The following ABCA13 variants were observed in gnomAD, a reference collection of about 807,000 sequenced individuals.
The protein encoded by ABCA13 is ATP-binding cassette sub-family A member 13.
ABCA13 carries 476 observed loss-of-function variants against 478.7 expected under a neutral mutation model. The observed-to-expected ratio is 0.99, with a 90% confidence interval of 0.92 to 1.07. The LOEUF is 1.07. Among genes scored for constraint, ABCA13 ranks in the 50% least tolerant of loss-of-function variants. The pLI is 0.00. For synonymous variants in ABCA13, 2,252 were observed against 2,158.9 expected, an observed-to-expected ratio of 1.04 and a Z score of -1.20; for missense variants, 6,060 against 5,910.6, an observed-to-expected ratio of 1.03 and a Z score of -0.83.
intron 54 of ABCA13, among the ~76,000 whole-genome samples, chr7:48,525,647 C>T (rs896357940): frequency 5.6e-5 from 8 of 142,048 alleles, no homozygotes; most frequent in Non-Finnish European, 9.1e-5. Context: ...GGAAGCCCAG[C>T]AAGGCCTCTC....
intron 58 of ABCA13, among the ~76,000 whole-genome samples, chr7:48,608,736 G>T (rs1174737318): frequency 6.6e-6 from 1 of 152,214 alleles, no homozygotes; most frequent in Non-Finnish European, 1.5e-5. Flanking sequence ...GCAGCCTATG[G>T]CTGGAATGCC....
rs373755985 is a variant in ABCA13 at position 48,410,975 on chromosome 7, T to TTCTC, written c.12228+300_12228+303dup. On this transcript the variant is annotated intron_variant, in intron 40 of 61. Coordinates refer to ENST00000435803, the MANE Select transcript of ABCA13 (RefSeq NM_152701.5). ...TGACCTATGTATTCTAGAAATTCTT[T>TTCTC]TCTCTTTCTTTCTTTCTTTCTTTCT... Among the ~76,000 whole-genome samples the TTCTC allele has an allele frequency of 1.7e-3, 242 of 144,842 alleles. 1 individual carries two copies. Among genetic ancestry groups the TTCTC allele is most frequent in the African/African-American group, 5.9e-3 (229 of 39,126 alleles).
intron 54 of ABCA13, among the ~76,000 whole-genome samples, chr7:48,527,824 A>C (rs1439843094): frequency 6.6e-6 from 1 of 152,166 alleles, no homozygotes; most frequent in Non-Finnish European, 1.5e-5. Context: ...AGAAGATGGA[A>C]TCTTTTAAGA....
At chr7:48,528,126 T>C (rs1412025251) in intron 54 of ABCA13, 110 bp from the exon 55 acceptor site, 1 of 874,072 alleles carries the variant, frequency 1.1e-6, no homozygotes, top group Non-Finnish European at 1.8e-6. Context: ...CAACTCAAAG[T>C]TGGCTAAAAG....
At chr7:48,175,612 A>C (rs1212734175) in intron 1 of ABCA13, among the ~76,000 whole-genome samples, 2 of 151,954 alleles carry the variant, frequency 1.3e-5, no homozygotes, top group African/African-American at 4.8e-5. Context: ...GTAGAGATGG[A>C]GTTTCACCAT....
At chr7:48,197,999 C>T (rs1798168941) in intron 2 of ABCA13, among the ~76,000 whole-genome samples, 2 of 152,118 alleles carry the variant, frequency 1.3e-5, no homozygotes, top group African/African-American at 4.8e-5. Context: ...AGCTATATGG[C>T]TGCTCAGAGC....
At chr7:48,619,790 TG>T (rs778419163) in intron 59 of ABCA13, among the ~76,000 whole-genome samples, 3 of 152,098 alleles carry the variant, frequency 2.0e-5, no homozygotes, top group Non-Finnish European at 4.4e-5. Flanking sequence ...CACTTATGAA[TG>T]GAAGTGTGGT....
intron 58 of ABCA13, among the ~76,000 whole-genome samples, chr7:48,603,287 A>C (rs1342848331): frequency 6.6e-5 from 10 of 152,180 alleles, no homozygotes; most frequent in Non-Finnish European, 2.9e-5. Flanking sequence ...GTGGTGAGAG[A>C]GGGCATCCTC....
At chr7:48,575,409 G>A (rs1788069671) in intron 55 of ABCA13, among the ~76,000 whole-genome samples, 1 of 152,166 alleles carries the variant, frequency 6.6e-6, no homozygotes, top group Non-Finnish European at 1.5e-5. Context: ...GAATTTGAAA[G>A]ATAGGAGAAT....
At chr7:48,599,954 A>G (rs1028866038) in intron 58 of ABCA13, among the ~76,000 whole-genome samples, 70 of 152,274 alleles carry the variant, frequency 4.6e-4, no homozygotes, top group Non-Finnish European at 5.0e-4. Flanking sequence ...AGTGTTGTTT[A>G]AGTATTCTGT....
At chr7:48,631,329 A>G (rs182263985) in intron 59 of ABCA13, among the ~76,000 whole-genome samples, 1 of 152,170 alleles carries the variant, frequency 6.6e-6, no homozygotes, top group East Asian at 1.9e-4. Context: ...TAATTTTTAT[A>G]CATGGTGAAA....
intron 25 of ABCA13, among the ~76,000 whole-genome samples, chr7:48,313,983 A>ATG (rs1554436363): frequency 0.017 from 1,348 of 78,252 alleles, 6 homozygotes; most frequent in East Asian, 0.027. Flanking sequence ...GTGTGTGTGT[A>ATG]TGTGTGTGTG....
chr7:48,283,903 C>T (rs1198828823), intron 19 of ABCA13, among the ~76,000 whole-genome samples: 1 of 152,160 alleles, frequency 6.6e-6, no homozygotes, highest in African/African-American at 2.4e-5. Flanking sequence ...CACAGGGTAG[C>T]TTCTGAATCT....
intron 48 of ABCA13, among the ~76,000 whole-genome samples, chr7:48,491,515 G>A (rs908417341): frequency 7.9e-5 from 12 of 152,184 alleles, no homozygotes; most frequent in African/African-American, 2.4e-5. Flanking sequence ...GACTTCCAGA[G>A]GGCTAGTTCA....
chr7:48,570,091 C>T (rs1266676189), intron 55 of ABCA13, among the ~76,000 whole-genome samples: 1 of 151,934 alleles, frequency 6.6e-6, no homozygotes, highest in Non-Finnish European at 1.5e-5. Flanking sequence ...GTCTATTTCT[C>T]CCTTTAATGC....
intron 21 of ABCA13, among the ~76,000 whole-genome samples, chr7:48,296,820 T>G (rs1174058040): frequency 6.6e-6 from 1 of 152,188 alleles, no homozygotes; most frequent in African/African-American, 2.4e-5. Context: ...TCTGAAAGTG[T>G]AAAGCACCAG....
intron 56 of ABCA13, among the ~76,000 whole-genome samples, chr7:48,583,570 T>C (rs1181510324): frequency 6.6e-6 from 1 of 152,196 alleles, no homozygotes; most frequent in Non-Finnish European, 1.5e-5. Context: ...TCCCAGTGCA[T>C]ATCCCATTGA....
chr7:48,643,351 T>A lies in ABCA13; in HGVS notation c.14901T>A (p.Val4967=), dbSNP rs535435337. Residue 4967 remains valine, a synonymous_variant, in exon 60 of 62, where the codon GTT becomes GTA. Transcript: ENST00000435803. ...AGGAAGCAAATCAACATTGCACTGT[T>A]TCTGACCACTTGAAGCTTTATTTTC... is the stretch of plus-strand genomic sequence containing the variant. The part of the protein sequence containing the change: ...LCKEANQHCT[V]SDHLKLYFPG... The A allele has an allele frequency of 6.2e-7, 1 of 1,613,804 alleles. No individual in the cohort carries two copies. Among genetic ancestry groups the A allele is most frequent in the Admixed American group, 1.7e-5 (1 of 60,020 alleles).
At chr7:48,340,090 A>G (rs1806895748) in intron 29 of ABCA13, among the ~76,000 whole-genome samples, 1 of 152,110 alleles carries the variant, frequency 6.6e-6, no homozygotes, top group African/African-American at 2.4e-5. Context: ...ATTTTTATTC[A>G]TTATATAACT....
Sources: allele counts gnomAD v4.1 joint callset (sites outside exome capture counted in the v4.1 genomes callset), GRCh38; gene constraint gnomAD v4.1.1; transcripts MANE v1.5; gene names NCBI Gene and HGNC (gene_info 2026-07-23, HGNC 2026-07-21).